Variants in FOCAD observed in about 807,000 individuals in gnomAD.
FOCAD encodes the protein KIAA1797.
FOCAD carries 198 observed loss-of-function variants against 225.6 expected under a neutral mutation model. The ratio of observed to expected loss-of-function variants is 0.88; its 90% CI spans 0.78 to 0.99. The LOEUF (loss-of-function observed/expected upper bound fraction) is 0.99, where lower values mean the gene tolerates loss of function less well. FOCAD is among the 50% of genes least tolerant of loss of function. The probability of loss-of-function intolerance (pLI) is 0.00; values close to 1 mark genes in which losing one functional copy is unlikely to be tolerated. For synonymous variants in FOCAD, 897 were observed against 755.0 expected, an observed-to-expected ratio of 1.19 and a Z score of -3.08; for missense variants, 2,713 against 2,123.6, an observed-to-expected ratio of 1.28 and a Z score of -5.46.
At chr9:20,907,395 A>G (rs1833069870) in intron 22 of FOCAD, among the ~76,000 whole-genome samples, 153 bp downstream of exon 22, 1 of 152,060 alleles carries the variant, frequency 6.6e-6, no homozygotes, top group Non-Finnish European at 1.5e-5. Context: ...TGAGGCATAT[A>G]TATATAGCAT....
chr9:20,724,828 T>G (rs183207473), intron 4 of FOCAD, among the ~76,000 whole-genome samples: 39 of 152,070 alleles, frequency 2.6e-4, no homozygotes, highest in Admixed American at 1.9e-3. Flanking sequence ...AAAATGAACC[T>G]CAGGGAATCT....
chr9:20,761,556 G>A (rs928911850), intron 6 of FOCAD, among the ~76,000 whole-genome samples: 5 of 152,104 alleles, frequency 3.3e-5, no homozygotes, highest in Non-Finnish European at 5.9e-5. Context: ...GGGTAGCTGG[G>A]ACTACAGGTG....
intron 11 of FOCAD, among the ~76,000 whole-genome samples, chr9:20,812,432 C>T (rs114428604): frequency 0.018 from 2,810 of 151,998 alleles, 84 homozygotes; most frequent in African/African-American, 0.065. Flanking sequence ...TTAAGATTTT[C>T]GTTATAGAAC....
rs143514052 is a variant in FOCAD, at chr9:20,815,806, T to C, written c.1456-3990T>C. Among the ~76,000 whole-genome samples the C allele has an allele frequency of 4.6e-5, 7 of 152,250 alleles. No homozygotes were observed. The East Asian group carries it at 1.4e-3, about 29-fold the overall frequency. On this transcript the variant is annotated intron_variant, in intron 11 of 43. Coordinates refer to ENST00000338382, the MANE Select transcript of FOCAD (RefSeq NM_001375567.1). ...TTGTATTTTCAGCCTCTGAAGGGTA[T>C]AAGATTCAAGATTAGGAGGATCAAG...
At chr9:20,720,981 A>T (rs942754948) in intron 4 of FOCAD, among the ~76,000 whole-genome samples, 4 of 152,142 alleles carry the variant, frequency 2.6e-5, no homozygotes, top group African/African-American at 4.8e-5. Context: ...TGATTTAGGG[A>T]TGTCTTCCCC....
intron 29 of FOCAD, among the ~76,000 whole-genome samples, chr9:20,946,092 C>T (rs957801398): frequency 9.6e-4 from 145 of 150,574 alleles, no homozygotes; most frequent in African/African-American, 2.8e-3. Flanking sequence ...TTCATTCATT[C>T]ATTCATTCAT....
chr9:20,993,212 A>G lies in FOCAD; in HGVS notation c.5257-41A>G, dbSNP rs1000077885. Reference sequence around the variant, plus strand: ...GAATAACTGTTCTTTTGCTGATGGTAGGATTCTCTTCTTTGACACTATTTT... The same window carrying G: ...GAATAACTGTTCTTTTGCTGATGGTGGGATTCTCTTCTTTGACACTATTTT... On this transcript the variant is annotated intron_variant, in intron 42 of 43. Transcript: ENST00000338382. 9 of 1,506,494 alleles carry G rather than the reference A, an allele frequency of 6.0e-6. No individual in the cohort carries two copies. In the African/African-American group the frequency reaches 1.1e-4, roughly 18 times the overall value. The allele number at this position is 1,506,494 out of a possible 1,614,324, so 93.3% of individuals were successfully genotyped here.
Position 20,934,669 on chromosome 9 carries a change from A to G in FOCAD, c.3407+1566A>G, listed in dbSNP as rs573870684. ...CTTATAGTATAGTTTGAAATCAGGT[A>G]ATGTGATGCCTCCAGATTTGTTCTT... On this transcript the variant is annotated intron_variant, in intron 28 of 43. Transcript: ENST00000338382. 3.9e-5 allele frequency among the ~76,000 whole-genome samples: 6 copies of G among 152,272 alleles called. No homozygotes were observed. In the South Asian group the frequency reaches 1.0e-3, roughly 26 times the overall value.
intron 15 of FOCAD, among the ~76,000 whole-genome samples, chr9:20,835,112 G>A (rs1425591787): frequency 7.0e-6 from 1 of 142,564 alleles, no homozygotes; most frequent in Non-Finnish European, 1.5e-5. Flanking sequence ...TTACATACTT[G>A]TCAGAATTTA....
intron 11 of FOCAD, among the ~76,000 whole-genome samples, chr9:20,806,755 A>T (rs147924875): frequency 6.6e-6 from 1 of 152,200 alleles, no homozygotes; most frequent in Non-Finnish European, 1.5e-5. Context: ...GTTTATTAAT[A>T]TTTTGGTAAT....
intron 15 of FOCAD, among the ~76,000 whole-genome samples, chr9:20,844,512 C>T (rs1440587855): frequency 1.3e-5 from 2 of 151,782 alleles, no homozygotes; most frequent in Non-Finnish European, 2.9e-5. Context: ...AGGCATGTGC[C>T]ACCACACATG....
chr9:20,937,759 C>T (rs1383480357), intron 28 of FOCAD, among the ~76,000 whole-genome samples: 2 of 151,884 alleles, frequency 1.3e-5, no homozygotes, highest in African/African-American at 2.4e-5. Flanking sequence ...AGCTTCTGCA[C>T]AGCAAAAGAA....
intron 15 of FOCAD, among the ~76,000 whole-genome samples, chr9:20,843,346 C>G (rs1291952570): frequency 6.6e-6 from 1 of 151,868 alleles, no homozygotes; most frequent in African/African-American, 2.4e-5. Context: ...TTTTCTCTTT[C>G]GTATTTGAAG....
intron 1 of FOCAD, among the ~76,000 whole-genome samples, chr9:20,709,485 A>G (rs1232136749): frequency 1.3e-5 from 2 of 150,958 alleles, no homozygotes; most frequent in Non-Finnish European, 2.9e-5. Context: ...TGGGTGACAA[A>G]GTGAAACCGT....
chr9:20,740,132 G>A, intron 4 of FOCAD, 104 bp from the exon 5 acceptor site: 3 of 702,572 alleles, frequency 4.3e-6, no homozygotes, highest in East Asian at 2.8e-5. Context: ...ACTGTTTAAT[G>A]TGGGTGGCAA....
intron 21 of FOCAD, among the ~76,000 whole-genome samples, chr9:20,895,748 C>G (rs1053738207): frequency 9.2e-5 from 14 of 151,620 alleles, no homozygotes; most frequent in Non-Finnish European, 1.3e-4. Context: ...GCTATAAGTG[C>G]TTATGGGTTC....
At chr9:20,700,361 G>C (rs1473984136) in intron 1 of FOCAD, among the ~76,000 whole-genome samples, 1 of 151,728 alleles carries the variant, frequency 6.6e-6, no homozygotes, top group Non-Finnish European at 1.5e-5. Flanking sequence ...AAACAGTGAA[G>C]AAACAGTCTT....
chr9:20,810,614 T>A (rs754836267), intron 11 of FOCAD, among the ~76,000 whole-genome samples: 1 of 152,108 alleles, frequency 6.6e-6, no homozygotes, highest in Non-Finnish European at 1.5e-5. Flanking sequence ...TAACTGTTGA[T>A]TATATTCCTT....
chr9:20,923,775 T>TG lies in FOCAD; in HGVS notation c.2961+11dup, dbSNP rs751940672. On this transcript the variant is annotated splice_region_variant and intron_variant, in intron 25 of 43. Transcript: ENST00000338382. ...CTCTGACGGGCTCCTGGAGGTTAGT[T>TG]GGGGTGATTTAAACAATTGGCTTTG... 2.1e-5 allele frequency: 33 copies of TG among 1,605,336 alleles called. No individual in the cohort carries two copies. In the South Asian group the frequency reaches 3.6e-4, roughly 18 times the overall value.
Sources: gnomAD v4.1 joint callset for allele counts (sites outside exome capture counted in the v4.1 genomes callset) on GRCh38, gnomAD v4.1.1 for gene constraint, MANE v1.5 for transcripts, NCBI Gene and HGNC (gene_info 2026-07-23, HGNC 2026-07-21) for gene names.